PRTG: variants seen among roughly 807,000 people sequenced by gnomAD.
The protein encoded by PRTG is protogenin, also known as immunoglobulin superfamily, DCC subclass, member 5.
Under a neutral mutation model 122.5 loss-of-function variants are expected in PRTG, and 67 were observed. The ratio of observed to expected loss-of-function variants is 0.55; its 90% CI spans 0.45 to 0.67. The LOEUF (loss-of-function observed/expected upper bound fraction) is 0.67. PRTG is among the 30% of genes least tolerant of loss of function. The probability of loss-of-function intolerance (pLI) is 0.00; values close to 1 mark genes in which losing one functional copy is unlikely to be tolerated. For missense variants in PRTG, 1,435 were observed against 1,415.4 expected (o/e 1.01, Z -0.22); for synonymous variants, 554 against 501.1 (o/e 1.11, Z -1.41).
intron 2 of PRTG, among the ~76,000 whole-genome samples, chr15:55,709,394 G>A (rs1255278001): frequency 6.8e-6 from 1 of 148,042 alleles, no homozygotes; most frequent in Non-Finnish European, 1.5e-5. Flanking sequence ...TATATAGAGA[G>A]AGAGAGCGCG....
chr15:55,740,996 G>A (rs543560252), intron 1 of PRTG, among the ~76,000 whole-genome samples: 7 of 152,284 alleles, frequency 4.6e-5, no homozygotes, highest in East Asian at 1.9e-4. Context: ...ATGAGCACAA[G>A]CTGTTTGCTT....
intron 18 of PRTG, among the ~76,000 whole-genome samples, chr15:55,622,103 C>T (rs1409669345): frequency 6.6e-6 from 1 of 151,996 alleles, no homozygotes. Context: ...GCTCCTTTCA[C>T]TTTAGTTTCT....
Position 55,612,918 on chromosome 15 carries a change from A to C in PRTG, c.*7094T>G, listed in dbSNP as rs2059127143. 1 of 151,778 alleles carries C rather than the reference A, an allele frequency of 6.6e-6. No individual in the cohort carries two copies. The highest frequency in any genetic ancestry group is 6.6e-5 in the Admixed American group (1 of 15,228). 9.4% of individuals were successfully genotyped at this position (151,778 alleles called of 1,614,324 possible). A position where few individuals can be genotyped will look rare whatever the true frequency, so the allele number is the denominator to read the frequency against. Reference sequence around the variant, plus strand: ...TTTGTGTATGCGTACGGGAGATGCAAACATTTTTCATTTCAACAAAGGCAA... The same window carrying C: ...TTTGTGTATGCGTACGGGAGATGCACACATTTTTCATTTCAACAAAGGCAA... On this transcript the variant is annotated 3_prime_UTR_variant, in exon 20 of 20. Transcript: ENST00000389286.
intron 15 of PRTG, among the ~76,000 whole-genome samples, chr15:55,633,358 T>G (rs555123847): frequency 3.9e-5 from 6 of 152,210 alleles, no homozygotes; most frequent in Non-Finnish European, 8.8e-5. Flanking sequence ...TACAGGTGCA[T>G]GCCACCACGC....
Position 55,630,245 on chromosome 15 carries a change from C to G in PRTG, c.2624-1241G>C, listed in dbSNP as rs140323597. On this transcript the variant is annotated intron_variant, in intron 15 of 19. Transcript: ENST00000389286. Reference sequence around the variant, plus strand: ...TCGTGATCTGCCCGCCTCGGCCTCCCAAAGTGATGGGATTACAGGCATGAG... The same window carrying G: ...TCGTGATCTGCCCGCCTCGGCCTCCGAAAGTGATGGGATTACAGGCATGAG... Among the ~76,000 whole-genome samples the G allele has an allele frequency of 4.3e-4, 65 of 152,242 alleles. 1 individual carries two copies. The East Asian group carries it at 0.013, about 29-fold the overall frequency.
At position 55,680,137 on chromosome 15, in the gene PRTG, T is replaced by C. The variant is rs771871319; in HGVS notation, c.890A>G (p.Gln297Arg). The change falls in exon 6 of 20, where the codon CAA (glutamine) becomes CGA (arginine). Residue 297 changes from glutamine (Q) to arginine (R), a missense_variant. By Grantham distance (43) the Gln-to-Arg change is conservative (BLOSUM62 1). Transcript: ENST00000389286. ...CCGACAAACATATACTCCAGCATGT[T>C]GTAGCCTGACATCAGATATCATGAG... Reference protein sequence around the residue: ...GNLMISDVRLQHAGVYVCRAT... With the variant: ...GNLMISDVRLRHAGVYVCRAT... The C allele has an allele frequency of 1.1e-5, 18 of 1,613,102 alleles. No homozygotes were observed. The Admixed American group carries it at 2.2e-4, about 19-fold the overall frequency.
At chr15:55,635,150 G>A (rs2059251002) in intron 15 of PRTG, among the ~76,000 whole-genome samples, 1 of 151,794 alleles carries the variant, frequency 6.6e-6, no homozygotes, top group African/African-American at 2.4e-5. Flanking sequence ...GAAGTGCTGT[G>A]GCACAGTCTC....
chr15:55,664,324 G>C (rs956315212), intron 11 of PRTG, among the ~76,000 whole-genome samples: 1 of 152,004 alleles, frequency 6.6e-6, no homozygotes, highest in African/African-American at 2.4e-5. Context: ...GTTATTTTTA[G>C]TAGAGATGGG....
chr15:55,636,902 C>T (rs2059260602), intron 15 of PRTG, among the ~76,000 whole-genome samples: 1 of 152,224 alleles, frequency 6.6e-6, no homozygotes, highest in South Asian at 2.1e-4. Flanking sequence ...CCGCCTCGGC[C>T]TCACAAAGTG....
At chr15:55,639,603 G>A (rs1421131403) in intron 13 of PRTG, 39 bp downstream of exon 13, 3 of 1,573,674 alleles carry the variant, frequency 1.9e-6, no homozygotes, top group Non-Finnish European at 2.6e-6. Flanking sequence ...GGTGTGGTGA[G>A]GTAAGCAAAG....
rs763949900 is a variant in PRTG, at chr15:55,624,493, G to A, written c.2942C>T (p.Ser981Phe). 140 of 1,610,322 alleles carry A rather than the reference G, an allele frequency of 8.7e-5. 1 individual carries two copies. The highest frequency in any genetic ancestry group is 1.2e-4 in the Non-Finnish European group (136 of 1,178,504). The change falls in exon 18 of 20, where the codon TCC (serine) becomes TTC (phenylalanine). Residue 981 changes from serine to phenylalanine, a missense_variant. By Grantham distance (155) the Ser-to-Phe change is radical. Transcript: ENST00000389286. ...YRSKARKSSA[S>F]KTAQNGTQQL... ...TTGAGTTCCATTCTGTGCCGTCTTG[G>A]AAGCAGATGATTTCCTAAAACATTG...
chr15:55,706,335 C>T (rs1036645905), intron 2 of PRTG, among the ~76,000 whole-genome samples: 1 of 151,766 alleles, frequency 6.6e-6, no homozygotes, highest in African/African-American at 2.4e-5. Context: ...GGAAGGATAT[C>T]AAGGGATTAT....
In PRTG at chr15:55,690,992, A is replaced by T. The variant is rs543705862; in HGVS notation, c.398-7061T>A. Among the ~76,000 whole-genome samples, 265 of 152,182 alleles carry T rather than the reference A, an allele frequency of 1.7e-3. 3 individuals carry two copies. Among genetic ancestry groups the T allele is most frequent in the Middle Eastern group, 3.4e-3 (1 of 294 alleles). On this transcript the variant is annotated intron_variant, in intron 2 of 19. Transcript: ENST00000389286. ...TTATGAGTAAAATTTGAGTTCCCCA[A>T]ACTTTCTGTAGAAGATACAAATTAC...
At chr15:55,695,433 T>C (rs1227638550) in intron 2 of PRTG, among the ~76,000 whole-genome samples, 1 of 152,254 alleles carries the variant, frequency 6.6e-6, no homozygotes, top group Non-Finnish European at 1.5e-5. Flanking sequence ...AGAGAAAATA[T>C]TATTTAAACA....
chr15:55,656,328 T>C (rs200043189), intron 11 of PRTG: 2 of 455,706 alleles, frequency 4.4e-6, no homozygotes. Context: ...TCCGGACTTA[T>C]CTGATGGTTT....
intron 11 of PRTG, among the ~76,000 whole-genome samples, chr15:55,665,832 G>C (rs904958801): frequency 1.3e-5 from 2 of 152,114 alleles, no homozygotes; most frequent in Non-Finnish European, 2.9e-5. Flanking sequence ...TGGGATTACA[G>C]ACATGAGATT....
In PRTG at chr15:55,672,527, C is replaced by T. The variant is rs2141795798; in HGVS notation, c.1959G>A (p.Leu653=). ...CCTGCTGCCCTTCTTCCTTGTAGTA[C>T]AGCTTGTAGCCCTGAATAGCAGCTG... The part of the protein sequence containing the change: ...EDTAAIQGYK[L]YYKEEGQQEN... Residue 653 remains leucine, a synonymous_variant, in exon 11 of 20, where the codon CTG becomes CTA. Coordinates refer to ENST00000389286, the MANE Select transcript of PRTG (RefSeq NM_173814.6). 6.2e-7 allele frequency: 1 copy of T among 1,614,106 alleles called. No individual in the cohort carries two copies. The highest frequency in any genetic ancestry group is 8.5e-7 in the Non-Finnish European group (1 of 1,179,986).
chr15:55,639,765 G>A lies in PRTG; in HGVS notation c.2201C>T (p.Thr734Ile), dbSNP rs373584731. 3.7e-5 allele frequency: 60 copies of A among 1,614,198 alleles called. No individual in the cohort carries two copies. The African/African-American group carries it at 7.3e-4, about 20-fold the overall frequency. The change falls in exon 13 of 20, where the codon ACC (threonine) becomes ATC (isoleucine). Residue 734 changes from threonine (T) to isoleucine (I), a missense_variant. Coordinates refer to ENST00000389286, the MANE Select transcript of PRTG (RefSeq NM_173814.6). The stretch of plus-strand genomic sequence containing the variant: ...CCAGTGCAGGAAGATGGAAGATGAG[G>A]TGTTAGCCTTCGCATAGAGATGGTG... ...PPHHLYAKANTSSSIFLHWRR... is the reference protein window; with the variant it reads ...PPHHLYAKANISSSIFLHWRR...
chr15:55,639,550 C>T (rs904527421), intron 13 of PRTG, 92 bp downstream of exon 13: 1 of 1,144,448 alleles, frequency 8.7e-7, no homozygotes, highest in Non-Finnish European at 1.3e-6. Flanking sequence ...CAGGTGAAGC[C>T]CGAGCTGGGC....
Sources: allele counts gnomAD v4.1 joint callset (sites outside exome capture counted in the v4.1 genomes callset), GRCh38; gene constraint gnomAD v4.1.1; transcripts MANE v1.5; gene names NCBI Gene and HGNC (gene_info 2026-07-23, HGNC 2026-07-21).